The following DENND1A variants were observed in gnomAD, a reference collection of about 807,000 sequenced individuals.
The protein encoded by DENND1A is DENN domain containing 1A.
A neutral mutation model predicts 113.7 loss-of-function variants in DENND1A; 51 were observed. That is an observed-to-expected ratio of 0.45 (90% CI 0.36 to 0.57). DENND1A has a LOEUF of 0.57. Ranked by LOEUF, DENND1A falls within the 20% of genes least tolerant of loss-of-function variation. The pLI, the probability that DENND1A is intolerant of heterozygous loss-of-function variation, is 0.00. For synonymous variants in DENND1A, 565 were observed against 570.8 expected, an observed-to-expected ratio of 0.99 and a Z score of 0.14; for missense variants, 1,258 against 1,395.9, an observed-to-expected ratio of 0.90 and a Z score of 1.57.
rs766823952 is a variant in DENND1A, at chr9:123,457,441, GA to G, written c.1099-7del. ...TCTAATCGACCATCAATAAACTATA[GA>G]AAGAAGGAACAAAAGCACAACAGCT... On this transcript the variant is annotated splice_polypyrimidine_tract_variant and splice_region_variant and intron_variant, in intron 14 of 23. Transcript: ENST00000394215. 1.2e-6 allele frequency: 2 copies of G among 1,610,118 alleles called. No individual in the cohort carries two copies. The highest frequency in any genetic ancestry group is 1.7e-6 in the Non-Finnish European group (2 of 1,176,506).
intron 3 of DENND1A, among the ~76,000 whole-genome samples, chr9:123,774,136 T>C (rs1830134078): frequency 1.3e-5 from 2 of 152,114 alleles, no homozygotes; most frequent in South Asian, 2.1e-4. Flanking sequence ...ATTCCTAAAA[T>C]ACTCCCTATG....
intron 13 of DENND1A, among the ~76,000 whole-genome samples, chr9:123,471,708 A>G (rs2049442087): frequency 6.6e-6 from 1 of 152,134 alleles, no homozygotes; most frequent in Admixed American, 6.5e-5. Context: ...CTGTGACTTG[A>G]CCAAGGCCAC....
At chr9:123,740,580 A>G (rs1216764294) in intron 5 of DENND1A, among the ~76,000 whole-genome samples, 2 of 148,990 alleles carry the variant, frequency 1.3e-5, no homozygotes, top group Non-Finnish European at 3.0e-5. Flanking sequence ...GTGGAAAAAC[A>G]TATGAAATTC....
intron 13 of DENND1A, among the ~76,000 whole-genome samples, chr9:123,509,248 C>T (rs187433266): frequency 2.6e-5 from 4 of 152,248 alleles, no homozygotes; most frequent in South Asian, 2.1e-4. Flanking sequence ...GGAAAAGAAG[C>T]GAGGCAAACA....
intron 13 of DENND1A, among the ~76,000 whole-genome samples, chr9:123,499,330 G>A (rs917562377): frequency 2.0e-5 from 3 of 152,208 alleles, no homozygotes; most frequent in African/African-American, 4.8e-5. Context: ...CAGCACGCTC[G>A]GCCTCACTTA....
intron 5 of DENND1A, among the ~76,000 whole-genome samples, chr9:123,726,324 C>T (rs1177360055): frequency 6.6e-6 from 1 of 152,162 alleles, no homozygotes; most frequent in East Asian, 1.9e-4. Context: ...GACACAAAAG[C>T]CCCTCAGATA....
At chr9:123,531,562 C>T (rs1564661962) in intron 13 of DENND1A, among the ~76,000 whole-genome samples, 1 of 102,156 alleles carries the variant, frequency 9.8e-6, no homozygotes, top group Non-Finnish European at 2.0e-5. Flanking sequence ...TCTACACACA[C>T]ACACACACAC....
chr9:123,925,154 T>C (rs984829415), intron 1 of DENND1A, among the ~76,000 whole-genome samples: 16 of 152,192 alleles, frequency 1.1e-4, no homozygotes, highest in Non-Finnish European at 1.5e-5. Flanking sequence ...TTATTCACCA[T>C]CGTAATTCCC....
chr9:123,560,355 T>G (rs1432773086), intron 12 of DENND1A, among the ~76,000 whole-genome samples: 1 of 152,200 alleles, frequency 6.6e-6, no homozygotes, highest in African/African-American at 2.4e-5. Context: ...ATAAAGGGCG[T>G]GCCTCATGTT....
chr9:123,534,399 C>T (rs1240528727), intron 13 of DENND1A, among the ~76,000 whole-genome samples: 1 of 152,202 alleles, frequency 6.6e-6, no homozygotes, highest in Non-Finnish European at 1.5e-5. Flanking sequence ...AACTAGTTTT[C>T]ATGGCTGTAT....
intron 4 of DENND1A, among the ~76,000 whole-genome samples, chr9:123,762,046 A>G (rs889439298): frequency 6.6e-6 from 1 of 152,174 alleles, no homozygotes; most frequent in Non-Finnish European, 1.5e-5. Flanking sequence ...TTGTTTTCCA[A>G]GGTTATCAGG....
chr9:123,868,139 G>A (rs1021740447), intron 2 of DENND1A, among the ~76,000 whole-genome samples: 5 of 152,196 alleles, frequency 3.3e-5, no homozygotes, highest in African/African-American at 9.7e-5. Context: ...CACTTCCAGT[G>A]AAAAGGATCC....
At chr9:123,625,605 A>T (rs181201394) in intron 10 of DENND1A, among the ~76,000 whole-genome samples, 100 of 152,298 alleles carry the variant, frequency 6.6e-4, no homozygotes, top group African/African-American at 2.3e-3. Context: ...TTAGCCAGGC[A>T]TGGTGGTATG....
chr9:123,512,346 G>C (rs918335915), intron 13 of DENND1A, among the ~76,000 whole-genome samples: 1 of 152,248 alleles, frequency 6.6e-6, no homozygotes, highest in Non-Finnish European at 1.5e-5. Flanking sequence ...GCTTCGAGGG[G>C]GAGCGTGGCC....
At chr9:123,607,819 C>T (rs924460457) in intron 11 of DENND1A, among the ~76,000 whole-genome samples, 3 of 151,382 alleles carry the variant, frequency 2.0e-5, no homozygotes, top group Non-Finnish European at 4.4e-5. Context: ...AATGCTGAGG[C>T]GCTGGGACAT....
At chr9:123,651,981 T>G in intron 9 of DENND1A, 32 bp downstream of exon 9, 1 of 1,571,962 alleles carries the variant, frequency 6.4e-7, no homozygotes, top group Non-Finnish European at 8.7e-7. Context: ...AATTAGATCA[T>G]TAAAAAGCCA....
intron 20 of DENND1A, among the ~76,000 whole-genome samples, chr9:123,409,844 C>A: frequency 6.6e-6 from 1 of 152,280 alleles, no homozygotes; most frequent in South Asian, 2.1e-4. Flanking sequence ...GTAATCCCAG[C>A]ACTTTGGGAG....
chr9:123,811,414 T>C lies in DENND1A; in HGVS notation c.89-18784A>G, dbSNP rs147907724. The stretch of plus-strand genomic sequence containing the variant: ...TTGGTACAATTTTCTGCAGCACAAA[T>C]AGAATGAATTTTAAATTTCCATGCC... On this transcript the variant is annotated intron_variant, in intron 2 of 23. Transcript: ENST00000394215. Among the ~76,000 whole-genome samples, 743 of 152,246 alleles carry C rather than the reference T, an allele frequency of 4.9e-3. 2 individuals carry two copies. Among genetic ancestry groups the C allele is most frequent in the African/African-American group, 0.018 (728 of 41,552 alleles).
chr9:123,738,443 C>CTGTGTGTGTGTGTG lies in DENND1A; in HGVS notation c.302+19246_302+19259dup, dbSNP rs59851560. 2.9e-3 allele frequency among the ~76,000 whole-genome samples: 417 copies of CTGTGTGTGTGTGTG among 143,426 alleles called. 4 individuals are homozygous for CTGTGTGTGTGTGTG. The highest frequency in any genetic ancestry group is 1.0e-2 in the African/African-American group (392 of 39,292). The allele number at this position is 143,426 out of a possible 152,430, so 94.1% of individuals were successfully genotyped here. On this transcript the variant is annotated intron_variant, in intron 5 of 23. Transcript: ENST00000394215. ...TGAAAAACTGCCGTGTCAACAGCTTCTGTGTGTGTGTGTGTGTGTGTGTGT... is the reference window on the plus strand; with the variant it reads ...TGAAAAACTGCCGTGTCAACAGCTTCTGTGTGTGTGTGTGTGTGTGTGTGTGTGTGTGTGTGTGT...
Sources: gnomAD v4.1 joint callset for allele counts (sites outside exome capture counted in the v4.1 genomes callset) on GRCh38, gnomAD v4.1.1 for gene constraint, MANE v1.5 for transcripts, NCBI Gene and HGNC (gene_info 2026-07-23, HGNC 2026-07-21) for gene names.